Variants in GALNT10 observed in about 807,000 individuals in gnomAD.
The protein encoded by GALNT10 is GalNAc transferase 10.
GALNT10 carries 41 observed loss-of-function variants against 75.0 expected under a neutral mutation model. The observed-to-expected ratio is 0.55, with a 90% CI of 0.43 to 0.71. GALNT10 has a LOEUF of 0.71. Among genes scored for constraint, GALNT10 ranks in the 30% least tolerant of loss-of-function variants. The pLI, the probability that GALNT10 is intolerant of heterozygous loss-of-function variation, is 0.00. For synonymous variants in GALNT10, 302 were observed against 313.0 expected, an observed-to-expected ratio of 0.96 and a Z score of 0.37; for missense variants, 727 against 818.5, an observed-to-expected ratio of 0.89 and a Z score of 1.36.
In GALNT10 at chr5:154,412,777, G is replaced by A; in HGVS notation, c.1387-112G>A. ...AGGGCAAGCTTTATCAAGACGATTT[G>A]AAGGTTAATCCAGCTAATGTCTCCC... On this transcript the variant is annotated intron_variant, in intron 9 of 11. Transcript: ENST00000297107. The surrounding 1 kb of genome is among the most constrained non-coding windows in gnomAD (Gnocchi z 4.2). 1 of 788,460 alleles carries A rather than the reference G, an allele frequency of 1.3e-6. No homozygotes were observed. Among genetic ancestry groups the A allele is most frequent in the East Asian group, 2.4e-5 (1 of 40,902 alleles). 48.8% of individuals were successfully genotyped at this position (788,460 alleles called of 1,614,324 possible). A position where few individuals can be genotyped will look rare whatever the true frequency, so the allele number is the denominator to read the frequency against.
Position 154,409,563 on chromosome 5 carries a change from T to C in GALNT10, c.1187T>C (p.Val396Ala). The change falls in exon 9 of 12, where the codon GTG (valine) becomes GCG (alanine). Residue 396 changes from valine (V) to alanine (A), a missense_variant. Val to Ala is a moderately conservative substitution (Grantham distance 64, BLOSUM62 0). Coordinates refer to ENST00000297107, the MANE Select transcript of GALNT10 (RefSeq NM_198321.4). This position sits in a 1 kb window ranked among gnomAD's most constrained non-coding sequence, Gnocchi z 4.5. ...TAGAACCTTAAGCGGGTGGCCGAAG[T>C]GTGGATGGATGAGTACGCAGAGTAC... ...LARNLKRVAE[V>A]WMDEYAEYIY... is the part of the protein sequence containing the mutation. 6.2e-7 allele frequency: 1 copy of C among 1,613,356 alleles called. No individual in the cohort carries two copies. The highest frequency in any genetic ancestry group is 1.1e-5 in the South Asian group (1 of 91,062).
At chr5:154,369,516 T>C (rs574675795) in intron 4 of GALNT10, among the ~76,000 whole-genome samples, 8 of 152,266 alleles carry the variant, frequency 5.3e-5, no homozygotes, top group African/African-American at 1.9e-4. Context: ...GCCCACCTCA[T>C]CTTAACATTT....
At chr5:154,400,498 C>G (rs1756139765) in intron 7 of GALNT10, among the ~76,000 whole-genome samples, 2 of 152,184 alleles carry the variant, frequency 1.3e-5, no homozygotes, top group Admixed American at 6.5e-5. Flanking sequence ...AGGTTGGGTG[C>G]TCCAGCTGGC....
Position 154,282,977 on chromosome 5 carries a change from T to A in GALNT10, c.160-11839T>A, listed in dbSNP as rs1303647277. Among the ~76,000 whole-genome samples, 3 of 152,122 alleles carry A rather than the reference T, an allele frequency of 2.0e-5. No individual in the cohort carries two copies. In the East Asian group the frequency reaches 5.8e-4, roughly 29 times the overall value. On this transcript the variant is annotated intron_variant, in intron 1 of 11. Coordinates refer to ENST00000297107, the MANE Select transcript of GALNT10 (RefSeq NM_198321.4). ...CTGTAAGGTCCCATATCAGGGGCAG[T>A]GATCTAGCCAGAGGGGTTAGGGAAG...
intron 4 of GALNT10, among the ~76,000 whole-genome samples, chr5:154,365,357 C>G (rs1163422919): frequency 1.3e-5 from 2 of 152,144 alleles, no homozygotes; most frequent in Non-Finnish European, 2.9e-5. Flanking sequence ...GGTGTACAAT[C>G]TTTCTTTAGG....
intron 4 of GALNT10, among the ~76,000 whole-genome samples, chr5:154,342,933 G>C (rs1052126785): frequency 6.6e-6 from 1 of 152,120 alleles, no homozygotes; most frequent in Non-Finnish European, 1.5e-5. Context: ...ACACTAAACT[G>C]TTTTCTCCTC....
intron 4 of GALNT10, among the ~76,000 whole-genome samples, chr5:154,374,239 G>T (rs1461054520): frequency 3.3e-5 from 5 of 152,166 alleles, no homozygotes; most frequent in African/African-American, 9.7e-5. Context: ...GTGGGAAAGG[G>T]CGAGGGAAGC....
chr5:154,384,460 G>A (rs1755779495), intron 6 of GALNT10, among the ~76,000 whole-genome samples: 1 of 150,494 alleles, frequency 6.6e-6, no homozygotes, highest in Non-Finnish European at 1.5e-5. Flanking sequence ...AATTATTAAT[G>A]AGTTCTTTCA....
At chr5:154,199,673 G>A (rs961092325) in intron 1 of GALNT10, among the ~76,000 whole-genome samples, 3 of 152,290 alleles carry the variant, frequency 2.0e-5, no homozygotes, top group African/African-American at 4.8e-5. Context: ...GATGAGGTAG[G>A]TGCCTCTACG....
Position 154,370,018 on chromosome 5 carries a change from T to TCA in GALNT10, c.569-6259_569-6258insCA, listed in dbSNP as rs546318956. ...GGCATCAGAGATTGAAACTCTGAAA[T>TCA]ATTCCACTTGGGAATTGATCTGATT... is the stretch of plus-strand genomic sequence containing the variant. On this transcript the variant is annotated intron_variant, in intron 4 of 11. Transcript: ENST00000297107. Among the ~76,000 whole-genome samples the TCA allele has an allele frequency of 2.3e-4, 35 of 152,390 alleles. 1 individual carries two copies. The East Asian group carries it at 5.8e-3, about 25-fold the overall frequency.
At chr5:154,299,227 G>A (rs1754326672) in intron 3 of GALNT10, among the ~76,000 whole-genome samples, 2 of 152,212 alleles carry the variant, frequency 1.3e-5, no homozygotes, top group Admixed American at 1.3e-4. Context: ...CCCCAGCCCA[G>A]ATTTACCAAA....
At chr5:154,315,058 T>G (rs7707063) in intron 3 of GALNT10, among the ~76,000 whole-genome samples, 43,355 of 151,900 alleles carry the variant, frequency 0.29, 6,651 homozygotes, top group African/African-American at 0.39. Flanking sequence ...AAGTCCAGGT[T>G]TCCATATTAG....
At chr5:154,400,776 G>A (rs957233567) in intron 7 of GALNT10, among the ~76,000 whole-genome samples, 6 of 152,142 alleles carry the variant, frequency 3.9e-5, no homozygotes, top group African/African-American at 1.4e-4. Flanking sequence ...AGAGGGAGGA[G>A]TCTATGAGGG....
At chr5:154,291,602 AGCAGCGACCCAACTTTTGGAATT>A in intron 1 of GALNT10, among the ~76,000 whole-genome samples, 1 of 152,154 alleles carries the variant, frequency 6.6e-6, no homozygotes, top group Non-Finnish European at 1.5e-5. Context: ...ATTTCATCCT[AGCAGCGACCCAACTTTTGGAATT>A]TCTTCTCTGT....
chr5:154,371,307 A>G lies in GALNT10; in HGVS notation c.569-4970A>G, dbSNP rs562265057. Among the ~76,000 whole-genome samples, 8 of 152,186 alleles carry G rather than the reference A, an allele frequency of 5.3e-5. No homozygotes were observed. In the East Asian group the frequency reaches 1.5e-3, roughly 29 times the overall value. ...TATGACCCCGTCTTAACATAACTAC[A>G]TCTGCAAAGACCCTGTTTCCAAATA... is the stretch of plus-strand genomic sequence containing the variant. On this transcript the variant is annotated intron_variant, in intron 4 of 11. Coordinates refer to ENST00000297107, the MANE Select transcript of GALNT10 (RefSeq NM_198321.4).
At chr5:154,223,309 A>G (rs1561633585) in intron 1 of GALNT10, among the ~76,000 whole-genome samples, 1 of 152,206 alleles carries the variant, frequency 6.6e-6, no homozygotes, top group Non-Finnish European at 1.5e-5. Context: ...AATTTGGCAG[A>G]TGTGGAAACA....
chr5:154,380,340 C>A, intron 5 of GALNT10, 108 bp from the exon 6 acceptor site: 1 of 875,974 alleles, frequency 1.1e-6, no homozygotes, highest in Non-Finnish European at 1.8e-6. Flanking sequence ...GATTGTCAAA[C>A]TGAGGGTTCA....
At chr5:154,332,856 G>A (rs1349340641) in intron 4 of GALNT10, among the ~76,000 whole-genome samples, 1 of 152,194 alleles carries the variant, frequency 6.6e-6, no homozygotes, top group Non-Finnish European at 1.5e-5. Flanking sequence ...AGCTGCCCTG[G>A]GGTTGGGCTT....
chr5:154,363,917 G>A (rs1755435639), intron 4 of GALNT10, among the ~76,000 whole-genome samples: 1 of 152,162 alleles, frequency 6.6e-6, no homozygotes, highest in Non-Finnish European at 1.5e-5. Context: ...AGCAGCAAAT[G>A]ACAAGCAAAA....
Sources: allele counts gnomAD v4.1 joint callset (sites outside exome capture counted in the v4.1 genomes callset), GRCh38; gene constraint gnomAD v4.1.1; non-coding constraint Gnocchi (gnomAD v3.1); transcripts MANE v1.5; gene names NCBI Gene and HGNC (gene_info 2026-07-23, HGNC 2026-07-21).